MEGF9: variants seen among roughly 807,000 people sequenced by gnomAD.
MEGF9 encodes the protein multiple epidermal growth factor-like domains protein 9.
Under a neutral mutation model 46.8 loss-of-function variants are expected in MEGF9, and 6 were observed. The observed-to-expected ratio is 0.13, with a 90% CI of 0.07 to 0.25. The LOEUF (loss-of-function observed/expected upper bound fraction) is 0.25. Among genes scored for constraint, MEGF9 ranks in the 10% least tolerant of loss-of-function variants. The probability of loss-of-function intolerance (pLI) is 1.00; values close to 1 mark genes in which losing one functional copy is unlikely to be tolerated. For synonymous variants in MEGF9, 302 were observed against 330.7 expected (o/e 0.91, Z 0.94); for missense variants, 683 against 792.4 (o/e 0.86, Z 1.66).
intron 1 of MEGF9, among the ~76,000 whole-genome samples, chr9:120,709,777 G>A (rs928186292): frequency 7.2e-5 from 11 of 152,132 alleles, no homozygotes; most frequent in African/African-American, 1.4e-4. Flanking sequence ...GCCAGCGTGC[G>A]GCAGCTCACA....
chr9:120,637,716 G>A (rs796103983), intron 2 of MEGF9, among the ~76,000 whole-genome samples: 15 of 146,378 alleles, frequency 1.0e-4, no homozygotes, highest in African/African-American at 2.1e-4. Context: ...GCTTGAACCC[G>A]GGAGGCAGAA....
At position 120,601,544 on chromosome 9, in the gene MEGF9, T is replaced by C. The variant is rs938761149; in HGVS notation, c.*3646A>G. The C allele has an allele frequency of 2.0e-5, 3 of 152,224 alleles. No homozygotes were observed. Among genetic ancestry groups the C allele is most frequent in the Non-Finnish European group, 4.4e-5 (3 of 68,040 alleles). 9.4% of individuals were successfully genotyped at this position (152,224 alleles called of 1,614,324 possible). A position where few individuals can be genotyped will look rare whatever the true frequency, so the allele number is the denominator to read the frequency against. ...TCAATTTACCTGGGAATATTGGCGC[T>C]AGAGAACAGTGATATAATTTGAGGT... On this transcript the variant is annotated 3_prime_UTR_variant, in exon 6 of 6. Transcript: ENST00000373930.
chr9:120,677,274 G>A (rs955080379), intron 1 of MEGF9, among the ~76,000 whole-genome samples: 6 of 151,728 alleles, frequency 4.0e-5, no homozygotes, highest in Admixed American at 1.3e-4. Context: ...GACTACAGGC[G>A]TGCACCACCA....
chr9:120,686,713 G>A lies in MEGF9; in HGVS notation c.601+27045C>T, dbSNP rs550087012. 2.0e-5 allele frequency among the ~76,000 whole-genome samples: 3 copies of A among 152,260 alleles called. No homozygotes were observed. The East Asian group carries it at 5.8e-4, about 29-fold the overall frequency. Reference sequence around the variant, plus strand: ...GTACACCAATCTTTAAAGTCAGGTGGACTAGAATCCAAACACTGGCTCTAA... The same window carrying A: ...GTACACCAATCTTTAAAGTCAGGTGAACTAGAATCCAAACACTGGCTCTAA... On this transcript the variant is annotated intron_variant, in intron 1 of 5. Transcript: ENST00000373930.
chr9:120,664,706 C>T (rs1177173887), intron 1 of MEGF9, among the ~76,000 whole-genome samples: 1 of 152,042 alleles, frequency 6.6e-6, no homozygotes, highest in Non-Finnish European at 1.5e-5. Flanking sequence ...CGCACTTAAG[C>T]ATAGATTACT....
intron 2 of MEGF9, among the ~76,000 whole-genome samples, chr9:120,650,040 G>T (rs543652743): frequency 2.0e-5 from 3 of 152,176 alleles, no homozygotes; most frequent in Non-Finnish European, 4.4e-5. Flanking sequence ...GCTGAGTCGG[G>T]TGGATCACAA....
In MEGF9 at chr9:120,604,044, T is replaced by C. The variant is rs2043408888; in HGVS notation, c.*1146A>G. On this transcript the variant is annotated 3_prime_UTR_variant, in exon 6 of 6. Coordinates refer to ENST00000373930, the MANE Select transcript of MEGF9 (RefSeq NM_001080497.3). ...TTTTTTAATGAGGATATGTTTTATATTAATCTATGTAAAATATATAGGGTG... is the reference window on the plus strand; with the variant it reads ...TTTTTTAATGAGGATATGTTTTATACTAATCTATGTAAAATATATAGGGTG... 6.5e-6 allele frequency: 1 copy of C among 152,692 alleles called. No homozygotes were observed. The highest frequency in any genetic ancestry group is 2.4e-5 in the African/African-American group (1 of 41,462). The allele number at this position is 152,692 out of a possible 1,614,324, so 9.5% of individuals were successfully genotyped here.
chr9:120,637,519 C>T (rs1054152327), intron 2 of MEGF9, among the ~76,000 whole-genome samples: 6 of 149,914 alleles, frequency 4.0e-5, no homozygotes, highest in Non-Finnish European at 8.9e-5. Flanking sequence ...CCAGGCCGGG[C>T]GTGGTGGCTC....
chr9:120,701,529 A>G (rs1341949115), intron 1 of MEGF9, among the ~76,000 whole-genome samples: 1 of 152,214 alleles, frequency 6.6e-6, no homozygotes, highest in Non-Finnish European at 1.5e-5. Context: ...CATATAGAAC[A>G]GCTGTTATAT....
chr9:120,622,512 AG>A, intron 3 of MEGF9, 103 bp downstream of exon 3: 1 of 1,230,606 alleles, frequency 8.1e-7, no homozygotes, highest in Non-Finnish European at 1.1e-6. Context: ...TAGAAGATAA[AG>A]GCCCTTCCAA....
chr9:120,610,916 T>A (rs2043442340), intron 4 of MEGF9, among the ~76,000 whole-genome samples: 1 of 152,132 alleles, frequency 6.6e-6, no homozygotes, highest in African/African-American at 2.4e-5. Flanking sequence ...AACTCAATGA[T>A]AACAAGATAA....
At chr9:120,685,587 A>G (rs2043818343) in intron 1 of MEGF9, among the ~76,000 whole-genome samples, 1 of 152,088 alleles carries the variant, frequency 6.6e-6, no homozygotes, top group Non-Finnish European at 1.5e-5. Context: ...CCCATTCACT[A>G]CTTTCTGTAC....
intron 4 of MEGF9, among the ~76,000 whole-genome samples, chr9:120,609,964 T>C (rs955093386): frequency 3.3e-5 from 5 of 152,170 alleles, no homozygotes; most frequent in Middle Eastern, 3.2e-3. Context: ...ATTAAAAGTA[T>C]ACAATTCAAT....
chr9:120,632,940 C>T (rs1037752230), intron 2 of MEGF9, among the ~76,000 whole-genome samples: 3 of 151,996 alleles, frequency 2.0e-5, no homozygotes, highest in African/African-American at 7.2e-5. Context: ...AGTATAAATC[C>T]CACTTGATCA....
chr9:120,661,677 T>C (rs2043702485), intron 1 of MEGF9, among the ~76,000 whole-genome samples: 1 of 152,242 alleles, frequency 6.6e-6, no homozygotes, highest in South Asian at 2.1e-4. Flanking sequence ...ACAATCAAGA[T>C]TCTTATTTTC....
chr9:120,644,978 A>T (rs750705142), intron 2 of MEGF9, among the ~76,000 whole-genome samples: 16 of 152,230 alleles, frequency 1.1e-4, no homozygotes, highest in Non-Finnish European at 2.1e-4. Context: ...AGAAGTGTGC[A>T]ATTGCTTTGC....
chr9:120,640,762 A>G (rs1247087265), intron 2 of MEGF9, among the ~76,000 whole-genome samples: 3 of 152,162 alleles, frequency 2.0e-5, no homozygotes, highest in Non-Finnish European at 4.4e-5. Flanking sequence ...CAGGTTGGTT[A>G]CATGAGTAAA....
At chr9:120,709,613 C>A (rs879260597) in intron 1 of MEGF9, among the ~76,000 whole-genome samples, 2 of 152,138 alleles carry the variant, frequency 1.3e-5, no homozygotes, top group African/African-American at 4.8e-5. Flanking sequence ...ATGGCCCCAA[C>A]GGGCAGAGCC....
In MEGF9 at chr9:120,675,258, T is replaced by C. The variant is rs2043767532; in HGVS notation, c.602-15683A>G. On this transcript the variant is annotated intron_variant, in intron 1 of 5. Coordinates refer to ENST00000373930, the MANE Select transcript of MEGF9 (RefSeq NM_001080497.3). ...CTTTTTATATTACATATGAGAATAT[T>C]TTTACACGTCAGAATCTATGTCTGA... is the stretch of plus-strand genomic sequence containing the variant. Among the ~76,000 whole-genome samples the C allele has an allele frequency of 2.6e-5, 4 of 152,226 alleles. No homozygotes were observed. The South Asian group carries it at 6.2e-4, about 24-fold the overall frequency.
Sources: allele counts gnomAD v4.1 joint callset (sites outside exome capture counted in the v4.1 genomes callset), GRCh38; gene constraint gnomAD v4.1.1; transcripts MANE v1.5; gene names NCBI Gene and HGNC (gene_info 2026-07-23, HGNC 2026-07-21).